FOXP1: variants seen among roughly 807,000 people sequenced by gnomAD.
FOXP1 encodes forkhead box P1.
FOXP1 carries 15 observed loss-of-function variants against 98.2 expected under a neutral mutation model. The ratio of observed to expected loss-of-function variants is 0.15; its 90% CI spans 0.10 to 0.24. The LOEUF (loss-of-function observed/expected upper bound fraction) is 0.24. Among genes scored for constraint, FOXP1 ranks in the 10% least tolerant of loss-of-function variants. The pLI, the probability that FOXP1 is intolerant of heterozygous loss-of-function variation, is 1.00. For missense variants in FOXP1, 633 were observed against 848.5 expected (o/e 0.75, Z 3.15); for synonymous variants, 371 against 314.5 (o/e 1.18, Z -1.90).
At chr3:71,565,034 G>A (rs866658217) in intron 2 of FOXP1, among the ~76,000 whole-genome samples, 1 of 152,140 alleles carries the variant, frequency 6.6e-6, no homozygotes, top group Admixed American at 6.5e-5. Context: ...CGGGAGGCGA[G>A]GTTGCAGGGA....
chr3:71,519,266 A>G (rs185810207), intron 2 of FOXP1, among the ~76,000 whole-genome samples: 29 of 152,298 alleles, frequency 1.9e-4, no homozygotes, highest in African/African-American at 6.5e-4. Flanking sequence ...AACTAAATAA[A>G]TAATAAAATA....
intron 3 of FOXP1, among the ~76,000 whole-genome samples, chr3:71,462,666 A>G (rs999089218): frequency 6.6e-6 from 1 of 152,232 alleles, no homozygotes; most frequent in East Asian, 1.9e-4. Context: ...AAATCATTGC[A>G]TCTATGTTAG....
At chr3:70,978,494 T>C (rs534358244) in intron 14 of FOXP1, among the ~76,000 whole-genome samples, 5 of 152,168 alleles carry the variant, frequency 3.3e-5, no homozygotes, top group African/African-American at 9.7e-5. Flanking sequence ...TTCTGCAATA[T>C]GCTAGCACAA....
intron 11 of FOXP1, among the ~76,000 whole-genome samples, chr3:71,035,454 T>C (rs2047449546): frequency 1.3e-5 from 2 of 152,230 alleles, no homozygotes; most frequent in African/African-American, 4.8e-5. Flanking sequence ...AAGCTTGCCA[T>C]TGTAGTGTCA....
At chr3:71,490,619 T>C (rs900971444) in intron 3 of FOXP1, among the ~76,000 whole-genome samples, 1 of 152,142 alleles carries the variant, frequency 6.6e-6, no homozygotes, top group African/African-American at 2.4e-5. Flanking sequence ...GTCTGATAAA[T>C]ACTAAGAACT....
At chr3:71,144,995 G>A (rs1348555223) in intron 6 of FOXP1, among the ~76,000 whole-genome samples, 1 of 152,106 alleles carries the variant, frequency 6.6e-6, no homozygotes, top group East Asian at 1.9e-4. Flanking sequence ...TAAGCTGTGG[G>A]TCTGTTAAGA....
intron 14 of FOXP1, among the ~76,000 whole-genome samples, chr3:70,980,149 A>C (rs989596547): frequency 3.3e-5 from 5 of 152,166 alleles, no homozygotes; most frequent in African/African-American, 1.2e-4. Flanking sequence ...AACAGTTCAG[A>C]GTAGCAGCCG....
At chr3:71,472,393 C>T (rs943144317) in intron 3 of FOXP1, among the ~76,000 whole-genome samples, 11 of 151,614 alleles carry the variant, frequency 7.3e-5, no homozygotes, top group Admixed American at 4.6e-4. Flanking sequence ...CTTATGGGTC[C>T]GAGAGGATTC....
chr3:71,581,495 G>C (rs930488652), intron 2 of FOXP1, 54 bp downstream of exon 2: 1 of 985,338 alleles, frequency 1.0e-6, no homozygotes, highest in African/African-American at 1.7e-5. Context: ...CCCTAGTGCC[G>C]CCTGGGGCTC....
At chr3:70,972,445 A>T in intron 18 of FOXP1, 110 bp downstream of exon 18, 1 of 1,486,210 alleles carries the variant, frequency 6.7e-7, no homozygotes, top group Middle Eastern at 1.7e-4. Context: ...TAACTGAGAC[A>T]ACGTGAAACC....
intron 4 of FOXP1, chr3:71,332,326 C>T (rs549406252): frequency 2.5e-4 from 39 of 156,196 alleles, no homozygotes; most frequent in Non-Finnish European, 8.4e-5. Context: ...AGCGAGACCA[C>T]GAACCCACCA....
At chr3:71,159,599 G>T (rs896025563) in intron 6 of FOXP1, among the ~76,000 whole-genome samples, 2 of 152,244 alleles carry the variant, frequency 1.3e-5, no homozygotes, top group Admixed American at 6.5e-5. Context: ...CATTCTCTTT[G>T]ATTATAAATA....
chr3:71,405,450 C>G (rs986456515), intron 3 of FOXP1, among the ~76,000 whole-genome samples: 3 of 152,108 alleles, frequency 2.0e-5, no homozygotes, highest in Non-Finnish European at 2.9e-5. Flanking sequence ...ACTGCACCAC[C>G]CTAGGTAGAA....
intron 5 of FOXP1, among the ~76,000 whole-genome samples, chr3:71,243,396 C>T (rs1354529621): frequency 6.6e-6 from 1 of 152,128 alleles, no homozygotes; most frequent in Non-Finnish European, 1.5e-5. Context: ...CGAGCACAGT[C>T]ATAACGTAAA....
chr3:71,049,708 T>A (rs2049578889), intron 9 of FOXP1, among the ~76,000 whole-genome samples: 1 of 152,144 alleles, frequency 6.6e-6, no homozygotes, highest in African/African-American at 2.4e-5. Context: ...TAAATTAACA[T>A]ACTTGTTCCA....
At chr3:71,228,134 C>T (rs2065986749) in intron 5 of FOXP1, among the ~76,000 whole-genome samples, 1 of 152,008 alleles carries the variant, frequency 6.6e-6, no homozygotes, top group African/African-American at 2.4e-5. Context: ...CATCAGCAAA[C>T]CTGTGGAGAC....
chr3:71,175,635 A>T (rs2061898110), intron 6 of FOXP1, among the ~76,000 whole-genome samples: 3 of 152,210 alleles, frequency 2.0e-5, no homozygotes, highest in Admixed American at 1.3e-4. Flanking sequence ...ATTTCATGGT[A>T]AAGCAAGGAC....
chr3:70,965,757 C>A, intron 20 of FOXP1, 133 bp downstream of exon 20: 1 of 947,916 alleles, frequency 1.1e-6, no homozygotes, highest in East Asian at 2.4e-5. Flanking sequence ...GAAGTACAAA[C>A]TTCTAGCTTG....
At chr3:71,227,605 T>C (rs538994560) in intron 5 of FOXP1, among the ~76,000 whole-genome samples, 1 of 152,208 alleles carries the variant, frequency 6.6e-6, no homozygotes, top group East Asian at 1.9e-4. Context: ...CAGAGTGAGA[T>C]TACACCCAGG....
Sources: allele counts gnomAD v4.1 joint callset (sites outside exome capture counted in the v4.1 genomes callset), GRCh38; gene constraint gnomAD v4.1.1; transcripts MANE v1.5; gene names NCBI Gene and HGNC (gene_info 2026-07-23, HGNC 2026-07-21).